POLR3K: variants seen among roughly 807,000 people sequenced by gnomAD.
The protein encoded by POLR3K is DNA-directed RNA polymerase III subunit RPC10.
POLR3K carries 11 observed loss-of-function variants against 13.5 expected under a neutral mutation model. The observed-to-expected ratio is 0.81, with a 90% CI of 0.51 to 1.35. The LOEUF is 1.35. POLR3K is among the 40% of genes most tolerant of loss of function. The probability of loss-of-function intolerance (pLI) is 0.00; values close to 1 mark genes in which losing one functional copy is unlikely to be tolerated. For missense variants in POLR3K, 144 were observed against 145.3 expected (o/e 0.99, Z 0.05); for synonymous variants, 56 against 51.5 (o/e 1.09, Z -0.38).
At chr16:49,228 C>T (rs1181577391) in intron 2 of POLR3K, among the ~76,000 whole-genome samples, 3 of 151,836 alleles carry the variant, frequency 2.0e-5, no homozygotes, top group African/African-American at 7.3e-5. Context: ...CACCTGAGGT[C>T]GGGAGTTCGT....
chr16:49,801 A>G (rs1897316430), intron 2 of POLR3K, among the ~76,000 whole-genome samples: 1 of 150,090 alleles, frequency 6.7e-6, no homozygotes, highest in Non-Finnish European at 1.5e-5. Context: ...CACCACGCTC[A>G]GCTACTTTTT....
intron 2 of POLR3K, 99 bp downstream of exon 2, chr16:51,459 C>T (rs894300499): frequency 9.1e-6 from 8 of 875,978 alleles, no homozygotes; most frequent in African/African-American, 3.4e-5. Flanking sequence ...TTTTAGAAAC[C>T]TACATCATTT....
chr16:52,792 A>AAAAAC (rs1567150873), intron 1 of POLR3K, among the ~76,000 whole-genome samples: 2 of 26,138 alleles, frequency 7.7e-5, no homozygotes, highest in African/African-American at 2.5e-4. Flanking sequence ...AAAAAAAAAA[A>AAAAAC]AAACAATAAA....
rs1357335666 is a variant in POLR3K, at chr16:51,281, A to G, written c.199+277T>C. 1.7e-4 allele frequency among the ~76,000 whole-genome samples: 25 copies of G among 151,254 alleles called. No homozygotes were observed. In the Admixed American group the frequency reaches 1.7e-3, roughly 10 times the overall value. The stretch of plus-strand genomic sequence containing the variant: ...CTCTCGCGGTCTACGAATATGGATT[A>G]GCCCCAGAGAAGTCAAGAGACCCAA... On this transcript the variant is annotated intron_variant, in intron 2 of 2. Coordinates refer to ENST00000293860, the MANE Select transcript of POLR3K (RefSeq NM_016310.5).
rs767239317 is a variant in POLR3K, at chr16:51,583, G to A, written c.174C>T (p.Ala58=). Residue 58 remains alanine (A), a synonymous_variant, in exon 2 of 3, where the codon GCC becomes GCT. Transcript: ENST00000293860. ...EVDDVLGGAA[A]WENVDSTAES... ...CTGCAGTAGAGTCAACATTCTCCCA[G>A]GCAGCTGCTCCACCAAGCACATCAT... 2 of 1,613,990 alleles carry A rather than the reference G, an allele frequency of 1.2e-6. No homozygotes were observed. Among genetic ancestry groups the A allele is most frequent in the Non-Finnish European group, 1.7e-6 (2 of 1,179,930 alleles).
intron 2 of POLR3K, among the ~76,000 whole-genome samples, chr16:48,163 T>G (rs1038064875): frequency 2.6e-5 from 4 of 151,860 alleles, no homozygotes; most frequent in African/African-American, 9.7e-5. Context: ...GTGCTGGGAT[T>G]ACAGGCATGA....
Position 51,551 on chromosome 16 carries a change from C to T in POLR3K, c.199+7G>A. 6.2e-7 allele frequency: 1 copy of T among 1,610,642 alleles called. No homozygotes were observed. Reference sequence around the variant, plus strand: ...AGTTTAGCAACAGAAACAGTTTTCCCTCTTACCTGCAGTAGAGTCAACATT... The same window carrying T: ...AGTTTAGCAACAGAAACAGTTTTCCTTCTTACCTGCAGTAGAGTCAACATT... On this transcript the variant is annotated splice_region_variant and intron_variant, in intron 2 of 2. Coordinates refer to ENST00000293860, the MANE Select transcript of POLR3K (RefSeq NM_016310.5).
intron 1 of POLR3K, chr16:53,212 A>G: frequency 1.8e-6 from 1 of 556,688 alleles, no homozygotes; most frequent in Non-Finnish European, 2.9e-6. Context: ...TGCGTGCCTC[A>G]GCTTTAAGGA....
At chr16:51,340 G>A (rs145696932) in intron 2 of POLR3K, among the ~76,000 whole-genome samples, 2 of 152,316 alleles carry the variant, frequency 1.3e-5, no homozygotes, top group East Asian at 3.9e-4. Flanking sequence ...GTTGCCCTGA[G>A]AATCTGACCC....
chr16:47,386 G>T lies in POLR3K; in HGVS notation c.*44C>A. 6.3e-7 allele frequency: 1 copy of T among 1,596,070 alleles called. No individual in the cohort carries two copies. The highest frequency in any genetic ancestry group is 8.6e-7 in the Non-Finnish European group (1 of 1,168,158). On this transcript the variant is annotated 3_prime_UTR_variant, in exon 3 of 3. Coordinates refer to ENST00000293860, the MANE Select transcript of POLR3K (RefSeq NM_016310.5). ...ACTGCCAGCTAAGCATCTACCCCGA[G>T]GGACAAGGCAAGCACACACTAGGGC...
chr16:47,285 T>C lies in POLR3K; in HGVS notation c.*145A>G. ...TGCCTGGCAGATAGGCCATATTTCC[T>C]GACCCCCTGGCTCTTCACCTCAAAA... On this transcript the variant is annotated 3_prime_UTR_variant, in exon 3 of 3. Coordinates refer to ENST00000293860, the MANE Select transcript of POLR3K (RefSeq NM_016310.5). 3 of 1,085,094 alleles carry C rather than the reference T, an allele frequency of 2.8e-6. No individual in the cohort carries two copies. Among genetic ancestry groups the C allele is most frequent in the Non-Finnish European group, 3.8e-6 (3 of 793,090 alleles). The allele number at this position is 1,085,094 out of a possible 1,614,324, so 67.2% of individuals were successfully genotyped here.
chr16:49,962 G>A (rs2141834022), intron 2 of POLR3K, among the ~76,000 whole-genome samples: 1 of 151,588 alleles, frequency 6.6e-6, no homozygotes, highest in South Asian at 2.1e-4. Flanking sequence ...TAGCAGATTT[G>A]TATGTTCTTT....
At chr16:51,230 C>G (rs1897328089) in intron 2 of POLR3K, among the ~76,000 whole-genome samples, 1 of 152,116 alleles carries the variant, frequency 6.6e-6, no homozygotes, top group Non-Finnish European at 1.5e-5. Flanking sequence ...CTCTTATATA[C>G]CAAGCACGGT....
chr16:50,424 C>T (rs1295015498), intron 2 of POLR3K, among the ~76,000 whole-genome samples: 1 of 152,166 alleles, frequency 6.6e-6, no homozygotes, highest in Non-Finnish European at 1.5e-5. Context: ...GTTTAATGCT[C>T]ACTGGTATTA....
chr16:52,795 A>AAAAAAAAAAAAAAAAAAAAAAAAC (rs1301989386), intron 1 of POLR3K, among the ~76,000 whole-genome samples: 1 of 26,786 alleles, frequency 3.7e-5, no homozygotes, highest in African/African-American at 1.3e-4. Context: ...AAAAAAAAAA[A>AAAAAAAAAAAAAAAAAAAAAAAAC]CAATAAAAAA....
chr16:49,269 T>A (rs1162610304), intron 2 of POLR3K, among the ~76,000 whole-genome samples: 2 of 150,360 alleles, frequency 1.3e-5, no homozygotes, highest in African/African-American at 4.9e-5. Flanking sequence ...AGAAACCCCA[T>A]CTCTACTAAA....
Position 53,001 on chromosome 16 carries a change from G to C in POLR3K, c.111+475C>G, listed in dbSNP as rs545313453. The stretch of plus-strand genomic sequence containing the variant: ...AACAGCAAGTGCAAAGGCCCTGCTA[G>C]CACCATGAGCACGATGAGAGATCGT... On this transcript the variant is annotated intron_variant, in intron 1 of 2. Coordinates refer to ENST00000293860, the MANE Select transcript of POLR3K (RefSeq NM_016310.5). 2.1e-4 allele frequency: 33 copies of C among 159,098 alleles called. No individual in the cohort carries two copies. In the Middle Eastern group the frequency reaches 9.7e-3, roughly 47 times the overall value. 9.9% of individuals were successfully genotyped at this position (159,098 alleles called of 1,614,324 possible). A position where few individuals can be genotyped will look rare whatever the true frequency, so the allele number is the denominator to read the frequency against.
rs959642836 is a variant in POLR3K, at chr16:47,307, A to G, written c.*123T>C. 4.5e-6 allele frequency: 6 copies of G among 1,330,390 alleles called. No individual in the cohort carries two copies. The highest frequency in any genetic ancestry group is 6.1e-6 in the Non-Finnish European group (6 of 991,684). The allele number at this position is 1,330,390 out of a possible 1,614,324, so 82.4% of individuals were successfully genotyped here. ...TCCTGACCCCCTGGCTCTTCACCTC[A>G]AAAGGTTTATCTTTCCACCACACTA... On this transcript the variant is annotated 3_prime_UTR_variant, in exon 3 of 3. Transcript: ENST00000293860.
At chr16:48,384 T>C (rs974188241) in intron 2 of POLR3K, among the ~76,000 whole-genome samples, 1 of 152,092 alleles carries the variant, frequency 6.6e-6, no homozygotes, top group African/African-American at 2.4e-5. Flanking sequence ...TGAAGGCTGG[T>C]TGGAAACGTA....
Sources: gnomAD v4.1 joint callset for allele counts (sites outside exome capture counted in the v4.1 genomes callset) on GRCh38, gnomAD v4.1.1 for gene constraint, MANE v1.5 for transcripts, NCBI Gene and HGNC (gene_info 2026-07-23, HGNC 2026-07-21) for gene names.